Variants in SLC39A9 observed in about 807,000 individuals in gnomAD.
SLC39A9 encodes the protein solute carrier family 39 member 9.
Under a neutral mutation model 28.4 loss-of-function variants are expected in SLC39A9, and 14 were observed. That is an observed-to-expected ratio of 0.49 (90% CI 0.33 to 0.77). The LOEUF is 0.77. Ranked by LOEUF, SLC39A9 falls within the 30% of genes least tolerant of loss-of-function variation. The pLI is 0.02. For synonymous variants in SLC39A9, 119 were observed against 149.6 expected (o/e 0.80, Z 1.49); for missense variants, 283 against 381.1 (o/e 0.74, Z 2.14).
intron 2 of SLC39A9, among the ~76,000 whole-genome samples, chr14:69,425,828 A>G (rs115169960): frequency 0.012 from 1,778 of 151,896 alleles, 35 homozygotes; most frequent in African/African-American, 0.039. Flanking sequence ...ATGCCTGACT[A>G]ATGTTTAATT....
intron 2 of SLC39A9, among the ~76,000 whole-genome samples, chr14:69,433,389 T>C (rs765763094): frequency 1.3e-5 from 2 of 152,228 alleles, no homozygotes; most frequent in Non-Finnish European, 2.9e-5. Context: ...AATACTGGCC[T>C]GTGGTTTTCC....
intron 1 of SLC39A9, among the ~76,000 whole-genome samples, chr14:69,417,556 C>A (rs999107174): frequency 1.3e-5 from 2 of 152,128 alleles, no homozygotes; most frequent in Non-Finnish European, 2.9e-5. Flanking sequence ...CTGTAAATTA[C>A]CTTGGGCAGT....
rs1882710929 is a variant in SLC39A9 at position 69,402,821 on chromosome 14, C to T, written c.96+3356C>T. Among the ~76,000 whole-genome samples, 3 of 152,204 alleles carry T rather than the reference C, an allele frequency of 2.0e-5. No individual in the cohort carries two copies. The South Asian group carries it at 6.2e-4, about 31-fold the overall frequency. The stretch of plus-strand genomic sequence containing the variant: ...CCAGCCAGGTGCTAAGTGGCTCACG[C>T]CTGTAATCCCAGCACTTTGGGAGGC... On this transcript the variant is annotated intron_variant, in intron 1 of 6. Coordinates refer to ENST00000336643, the MANE Select transcript of SLC39A9 (RefSeq NM_018375.5).
intron 2 of SLC39A9, among the ~76,000 whole-genome samples, chr14:69,435,926 G>GGATCCA (rs1460475619): frequency 2.0e-5 from 3 of 152,022 alleles, no homozygotes; most frequent in Non-Finnish European, 2.9e-5. Context: ...ACCTGCCTTG[G>GGATCCA]CCTCCAAAAG....
intron 1 of SLC39A9, among the ~76,000 whole-genome samples, chr14:69,417,211 C>T (rs1024951184): frequency 1.3e-5 from 2 of 152,194 alleles, no homozygotes; most frequent in African/African-American, 2.4e-5. Flanking sequence ...TTTCCCAGCA[C>T]CATTTATTAA....
intron 2 of SLC39A9, among the ~76,000 whole-genome samples, chr14:69,433,945 T>C (rs1214964834): frequency 6.6e-6 from 1 of 151,928 alleles, no homozygotes; most frequent in Non-Finnish European, 1.5e-5. Flanking sequence ...CCACCAGGCC[T>C]AGCTAATTTT....
rs184702419 is a variant in SLC39A9, at chr14:69,422,733, C to T, written c.97-1361C>T. On this transcript the variant is annotated intron_variant, in intron 1 of 6. Transcript: ENST00000336643. The stretch of plus-strand genomic sequence containing the variant: ...CCAAGTAGCTGGGATTACAGGCACA[C>T]ACCACCACACCCAGCTAATTTTTGT... 1.1e-4 allele frequency among the ~76,000 whole-genome samples: 16 copies of T among 152,316 alleles called. No homozygotes were observed. The East Asian group carries it at 2.7e-3, about 26-fold the overall frequency.
chr14:69,454,639 A>G (rs1885775216), intron 4 of SLC39A9, 173 bp from the exon 5 acceptor site: 2 of 492,466 alleles, frequency 4.1e-6, no homozygotes, highest in Admixed American at 3.7e-5. Flanking sequence ...TGAAAACCCT[A>G]AGAAATACAT....
chr14:69,446,969 G>A (rs574756347), intron 3 of SLC39A9, among the ~76,000 whole-genome samples: 16 of 110,536 alleles, frequency 1.4e-4, no homozygotes, highest in Admixed American at 8.9e-4. Context: ...GAGAGAGAGC[G>A]AGAGAGAGAG....
chr14:69,400,860 T>C (rs1260534985), intron 1 of SLC39A9, among the ~76,000 whole-genome samples: 2 of 151,848 alleles, frequency 1.3e-5, no homozygotes, highest in Non-Finnish European at 2.9e-5. Context: ...CTAACTTCAC[T>C]TAAAAAACTC....
chr14:69,430,676 T>TG (rs1396215086), intron 2 of SLC39A9, among the ~76,000 whole-genome samples: 1 of 148,944 alleles, frequency 6.7e-6, no homozygotes, highest in Non-Finnish European at 1.5e-5. Context: ...TCACCCAGGC[T>TG]GGAGTGTGCA....
At position 69,461,053 on chromosome 14, in the gene SLC39A9, T is replaced by G; in HGVS notation, c.*2460T>G. ...GTTCCGTTTTCCTCTTGTTTAAAAC[T>G]GCCTCTTTAGATGTGGATGCCTTAA... On this transcript the variant is annotated 3_prime_UTR_variant, in exon 7 of 7. Coordinates refer to ENST00000336643, the MANE Select transcript of SLC39A9 (RefSeq NM_018375.5). 4.1e-6 allele frequency: 4 copies of G among 985,634 alleles called. No homozygotes were observed. The highest frequency in any genetic ancestry group is 4.8e-6 in the Non-Finnish European group (4 of 830,102). 61.1% of individuals were successfully genotyped at this position (985,634 alleles called of 1,614,324 possible). A position where few individuals can be genotyped will look rare whatever the true frequency, so the allele number is the denominator to read the frequency against.
chr14:69,409,588 G>T (rs140410600), intron 1 of SLC39A9, among the ~76,000 whole-genome samples: 1 of 152,206 alleles, frequency 6.6e-6, no homozygotes, highest in African/African-American at 2.4e-5. Context: ...CAATCGTCTT[G>T]TCTTGGCCTC....
rs993135630 is a variant in SLC39A9 at position 69,459,439 on chromosome 14, A to C, written c.*846A>C. ...TTCCTTCAAGAACAGTCAGATCACA[A>C]AGTGTCTTTGGAAATTAAGGGATAT... is the stretch of plus-strand genomic sequence containing the variant. On this transcript the variant is annotated 3_prime_UTR_variant, in exon 7 of 7. Transcript: ENST00000336643. The C allele has an allele frequency of 1.0e-6, 1 of 985,352 alleles. No homozygotes were observed. Among genetic ancestry groups the C allele is most frequent in the Admixed American group, 6.1e-5 (1 of 16,274 alleles). The allele number at this position is 985,352 out of a possible 1,614,324, so 61.0% of individuals were successfully genotyped here. A position where few individuals can be genotyped will look rare whatever the true frequency, so the allele number is the denominator to read the frequency against.
intron 6 of SLC39A9, among the ~76,000 whole-genome samples, chr14:69,456,979 A>G (rs888740974): frequency 2.0e-5 from 3 of 152,292 alleles, no homozygotes; most frequent in South Asian, 2.1e-4. Flanking sequence ...AGATTACTCT[A>G]TCACTTCAGT....
In SLC39A9 at chr14:69,421,604, C is replaced by G. The variant is rs149995372; in HGVS notation, c.97-2490C>G. 4.1e-3 allele frequency among the ~76,000 whole-genome samples: 617 copies of G among 152,332 alleles called. 6 individuals carry two copies. Among genetic ancestry groups the G allele is most frequent in the African/African-American group, 0.014 (594 of 41,570 alleles). The stretch of plus-strand genomic sequence containing the variant: ...CTTTTATTCAGCTATGCCCTGCCCC[C>G]AGAGGTGGAGTCTACGGAGGCAGGC... On this transcript the variant is annotated intron_variant, in intron 1 of 6. Transcript: ENST00000336643.
chr14:69,427,209 G>T (rs1404461814), intron 2 of SLC39A9, among the ~76,000 whole-genome samples: 5 of 151,658 alleles, frequency 3.3e-5, no homozygotes, highest in African/African-American at 1.2e-4. Context: ...TCACCATGTT[G>T]CCCAGGCTGG....
intron 2 of SLC39A9, among the ~76,000 whole-genome samples, chr14:69,440,668 C>CTGTTT (rs753154254): frequency 3.4e-4 from 51 of 152,074 alleles, no homozygotes; most frequent in East Asian, 3.3e-3. Context: ...TTTTGTGAAA[C>CTGTTT]TGTTTTGTTT....
chr14:69,419,976 T>G (rs990701556), intron 1 of SLC39A9, among the ~76,000 whole-genome samples: 3 of 152,336 alleles, frequency 2.0e-5, no homozygotes, highest in South Asian at 4.1e-4. Context: ...GTCTTTTAAT[T>G]GGGGCATTGA....
Sources: gnomAD v4.1 joint callset for allele counts (sites outside exome capture counted in the v4.1 genomes callset) on GRCh38, gnomAD v4.1.1 for gene constraint, MANE v1.5 for transcripts, NCBI Gene and HGNC (gene_info 2026-07-23, HGNC 2026-07-21) for gene names.